Variants in RNF169 observed in about 807,000 individuals in gnomAD.
RNF169 encodes E3 ubiquitin-protein ligase RNF169.
A neutral mutation model predicts 53.9 loss-of-function variants in RNF169; 24 were observed. That is an observed-to-expected ratio of 0.45 (90% confidence interval 0.32 to 0.63). The LOEUF (loss-of-function observed/expected upper bound fraction) is 0.63, where lower values mean the gene tolerates loss of function less well. RNF169 is among the 20% of genes least tolerant of loss of function. The pLI is 0.04. For missense variants in RNF169, 883 were observed against 906.2 expected, an observed-to-expected ratio of 0.97 and a Z score of 0.33; for synonymous variants, 396 against 363.5, an observed-to-expected ratio of 1.09 and a Z score of -1.02.
intron 1 of RNF169, among the ~76,000 whole-genome samples, chr11:74,752,275 C>G (rs7111253): frequency 0.021 from 3,043 of 145,022 alleles, 103 homozygotes; most frequent in African/African-American, 0.073. Flanking sequence ...AAGTGATTCT[C>G]TCTTACCCCC....
intron 1 of RNF169, among the ~76,000 whole-genome samples, chr11:74,786,410 G>T (rs115584267): frequency 0.046 from 7,021 of 151,764 alleles, 530 homozygotes; most frequent in African/African-American, 0.16. Flanking sequence ...TTGTTGGGGG[G>T]TTTTTTTGTT....
chr11:74,816,335 G>A (rs868591240), intron 3 of RNF169, among the ~76,000 whole-genome samples: 1 of 152,092 alleles, frequency 6.6e-6, no homozygotes, highest in Non-Finnish European at 1.5e-5. Context: ...GCTCTCACAG[G>A]GCTCATTGCA....
rs2036348071 is a variant in RNF169 at position 74,840,459 on chromosome 11, T to C, written c.*3729T>C. 1 of 152,232 alleles carries C rather than the reference T, an allele frequency of 6.6e-6. No individual in the cohort carries two copies. The highest frequency in any genetic ancestry group is 1.5e-5 in the Non-Finnish European group (1 of 68,040). 9.4% of individuals were successfully genotyped at this position (152,232 alleles called of 1,614,324 possible). A position where few individuals can be genotyped will look rare whatever the true frequency, so the allele number is the denominator to read the frequency against. ...TATGGAAGGAGAATGAATTTTCTCC[T>C]CTAGTGATTACAGGACATTAACATC... On this transcript the variant is annotated 3_prime_UTR_variant, in exon 6 of 6. Coordinates refer to ENST00000299563, the MANE Select transcript of RNF169 (RefSeq NM_001098638.2).
chr11:74,788,116 C>T (rs1430495473), intron 1 of RNF169, among the ~76,000 whole-genome samples: 1 of 152,068 alleles, frequency 6.6e-6, no homozygotes, highest in Non-Finnish European at 1.5e-5. Flanking sequence ...AAAATTACCA[C>T]CTTGGTAGGT....
At chr11:74,799,905 CTT>C (rs1565180404) in intron 2 of RNF169, among the ~76,000 whole-genome samples, 2 of 150,694 alleles carry the variant, frequency 1.3e-5, no homozygotes, top group South Asian at 2.1e-4. Flanking sequence ...AAGCTTAAGA[CTT>C]TTTAAAAAAT....
chr11:74,812,498 G>T (rs1220478221), intron 3 of RNF169, among the ~76,000 whole-genome samples: 3 of 152,000 alleles, frequency 2.0e-5, no homozygotes, highest in Non-Finnish European at 4.4e-5. Flanking sequence ...AGAGATGAGG[G>T]TGTCCCTATG....
intron 4 of RNF169, 74 bp downstream of exon 4, chr11:74,817,788 A>C: frequency 4.3e-6 from 4 of 936,604 alleles, no homozygotes; most frequent in Non-Finnish European, 7.0e-6. Flanking sequence ...TGGGGGAGCA[A>C]AGGTATTTGT....
chr11:74,829,828 AAAC>A (rs1026527769), intron 4 of RNF169, among the ~76,000 whole-genome samples: 1 of 152,082 alleles, frequency 6.6e-6, no homozygotes, highest in Admixed American at 6.6e-5. Context: ...GAAACTGGGG[AAAC>A]AACACACACT....
rs2036324020 is a variant in RNF169 at position 74,839,897 on chromosome 11, G to C, written c.*3167G>C. 6.6e-6 allele frequency: 1 copy of C among 152,134 alleles called. No individual in the cohort carries two copies. The highest frequency in any genetic ancestry group is 6.5e-5 in the Admixed American group (1 of 15,280). 9.4% of individuals were successfully genotyped at this position (152,134 alleles called of 1,614,324 possible). On this transcript the variant is annotated 3_prime_UTR_variant, in exon 6 of 6. Coordinates refer to ENST00000299563, the MANE Select transcript of RNF169 (RefSeq NM_001098638.2). ...TTTTTAAAAAAGGTTAAGTCTTCTT[G>C]GGTGAGGCTTGCCAGGGAAACTCCT...
At chr11:74,788,302 AACAC>A (rs140848727) in intron 1 of RNF169, among the ~76,000 whole-genome samples, 12 of 150,214 alleles carry the variant, frequency 8.0e-5, no homozygotes, top group East Asian at 3.9e-4. Context: ...CATAAACATA[AACAC>A]ACACACACAC....
intron 4 of RNF169, among the ~76,000 whole-genome samples, chr11:74,818,782 C>T (rs1443644275): frequency 6.6e-6 from 1 of 152,002 alleles, no homozygotes; most frequent in East Asian, 1.9e-4. Context: ...CTCTTCCTTT[C>T]CACCAGTATT....
rs1361019960 is a variant in RNF169, at chr11:74,749,230, G to C, written c.350G>C (p.Arg117Pro). Residue 117 changes from arginine (R) to proline (P), a missense_variant, in exon 1 of 6, where the codon CGG becomes CCG. Physicochemically the swap from Arg to Pro is moderately radical, Grantham distance 103. Transcript: ENST00000299563. ...RARGPGWARR[R>P]ARDDGQADSE... ...CGCGGCCCAGGCTGGGCCCGCCGTC[G>C]GGCCCGCGACGACGGCCAGGCCGAC... 1.4e-5 allele frequency: 15 copies of C among 1,079,282 alleles called. No homozygotes were observed. The highest frequency in any genetic ancestry group is 5.3e-5 in the Admixed American group (1 of 19,016). 66.9% of individuals were successfully genotyped at this position (1,079,282 alleles called of 1,614,324 possible).
At chr11:74,778,747 A>G (rs1284884534) in intron 1 of RNF169, among the ~76,000 whole-genome samples, 2 of 152,220 alleles carry the variant, frequency 1.3e-5, no homozygotes, top group Admixed American at 6.5e-5. Context: ...CAGGACCTCT[A>G]TGTCCCATAT....
At chr11:74,764,870 AAGAC>A (rs751399401) in intron 1 of RNF169, among the ~76,000 whole-genome samples, 5 of 152,242 alleles carry the variant, frequency 3.3e-5, no homozygotes, top group Non-Finnish European at 7.3e-5. Flanking sequence ...GTTCAATAGG[AAGAC>A]AGAGATATTG....
At chr11:74,768,161 T>C (rs550909) in intron 1 of RNF169, among the ~76,000 whole-genome samples, 43,744 of 152,066 alleles carry the variant, frequency 0.29, 6,811 homozygotes, top group South Asian at 0.42. Flanking sequence ...ATGTTAAAAT[T>C]AAAGAGCATA....
At chr11:74,769,423 G>A (rs1305903422) in intron 1 of RNF169, among the ~76,000 whole-genome samples, 2 of 152,130 alleles carry the variant, frequency 1.3e-5, no homozygotes, top group Non-Finnish European at 2.9e-5. Flanking sequence ...GAGCAGTTTG[G>A]CCATATCTAG....
intron 2 of RNF169, among the ~76,000 whole-genome samples, chr11:74,803,465 C>T (rs910481705): frequency 1.3e-5 from 2 of 152,112 alleles, no homozygotes; most frequent in Non-Finnish European, 2.9e-5. Context: ...TTTAAAATGC[C>T]TTATTTGAAA....
At chr11:74,786,209 G>T (rs1351315887) in intron 1 of RNF169, among the ~76,000 whole-genome samples, 8 of 150,560 alleles carry the variant, frequency 5.3e-5, no homozygotes, top group African/African-American at 1.9e-4. Flanking sequence ...AAAGTGCTGG[G>T]ATTACAGGCG....
chr11:74,836,534 G>T lies in RNF169; in HGVS notation c.1931G>T (p.Ser644Ile). 6.2e-7 allele frequency: 1 copy of T among 1,614,152 alleles called. No homozygotes were observed. Among genetic ancestry groups the T allele is most frequent in the Non-Finnish European group, 8.5e-7 (1 of 1,180,026 alleles). ...TCCCTTAAAAAACTGCGACAAACCAGTGGGGAGGTGGGTCTGGCCCCAACA... is the reference window on the plus strand; with the variant it reads ...TCCCTTAAAAAACTGCGACAAACCATTGGGGAGGTGGGTCTGGCCCCAACA... ...NGSLKKLRQT[S>I]GEVGLAPTDP... The change falls in exon 6 of 6, where the codon AGT (serine) becomes ATT (isoleucine). Residue 644 changes from serine (S) to isoleucine (I), a missense_variant. Physicochemically the swap from Ser to Ile is moderately radical, Grantham distance 142. Transcript: ENST00000299563.
Sources: gnomAD v4.1 joint callset for allele counts (sites outside exome capture counted in the v4.1 genomes callset) on GRCh38, gnomAD v4.1.1 for gene constraint, MANE v1.5 for transcripts, NCBI Gene and HGNC (gene_info 2026-07-23, HGNC 2026-07-21) for gene names.